The following ESPNL variants were observed in gnomAD, a reference collection of about 807,000 sequenced individuals.
The protein encoded by ESPNL is espin like, also known as espin-like protein.
ESPNL carries 49 observed loss-of-function variants against 46.8 expected under a neutral mutation model. That is an observed-to-expected ratio of 1.05 (90% CI 0.83 to 1.33). The LOEUF (loss-of-function observed/expected upper bound fraction) is 1.33, where lower values mean the gene tolerates loss of function less well. Ranked by LOEUF, ESPNL falls within the 40% of genes most tolerant of loss-of-function variation. ESPNL has a pLI of 0.00. For synonymous variants in ESPNL, 664 were observed against 662.1 expected, an observed-to-expected ratio of 1.00 and a Z score of -0.04; for missense variants, 1,540 against 1,436.6, an observed-to-expected ratio of 1.07 and a Z score of -1.16.
chr2:238,126,462 TTGTG>T (rs565205805), intron 6 of ESPNL, among the ~76,000 whole-genome samples: 51 of 151,352 alleles, frequency 3.4e-4, no homozygotes, highest in Non-Finnish European at 5.6e-4. Context: ...GTCTATGTGA[TTGTG>T]TGTATCTGTG....
chr2:238,111,634 A>T (rs1289552379), intron 4 of ESPNL, among the ~76,000 whole-genome samples: 2 of 152,250 alleles, frequency 1.3e-5, no homozygotes, highest in Non-Finnish European at 2.9e-5. Context: ...TTATAGCTAA[A>T]TAATATTCCA....
intron 4 of ESPNL, among the ~76,000 whole-genome samples, chr2:238,111,224 G>A (rs1174863126): frequency 6.6e-6 from 1 of 152,056 alleles, no homozygotes; most frequent in African/African-American, 2.4e-5. Flanking sequence ...ACCGTGCCCG[G>A]CCTAGTTATC....
In ESPNL at chr2:238,111,446, C is replaced by G. The variant is rs147248490; in HGVS notation, c.855+3473C>G. Among the ~76,000 whole-genome samples the G allele has an allele frequency of 5.4e-3, 825 of 152,252 alleles. 7 individuals carry two copies. Among genetic ancestry groups the G allele is most frequent in the African/African-American group, 0.019 (771 of 41,534 alleles). On this transcript the variant is annotated intron_variant, in intron 4 of 8. Transcript: ENST00000343063. ...CCATCAGACAGCAATTCTCCGTCTC[C>G]CTTATCTCCCAGCCCCTGGCCAGCA...
At chr2:238,110,804 T>G (rs1417171586) in intron 4 of ESPNL, among the ~76,000 whole-genome samples, 2 of 150,604 alleles carry the variant, frequency 1.3e-5, no homozygotes, top group Admixed American at 1.3e-4. Flanking sequence ...TTATCAAGTC[T>G]CCTCAGATGC....
chr2:238,113,283 T>G (rs910504609), intron 4 of ESPNL, among the ~76,000 whole-genome samples: 4 of 152,280 alleles, frequency 2.6e-5, no homozygotes, highest in African/African-American at 9.6e-5. Flanking sequence ...CAGTCATGTT[T>G]AATTTTTTTC....
chr2:238,109,311 G>A (rs1228245309), intron 4 of ESPNL, among the ~76,000 whole-genome samples: 2 of 152,224 alleles, frequency 1.3e-5, no homozygotes, highest in Admixed American at 6.5e-5. Context: ...GACTCCTCTG[G>A]CTCCTCAGCT....
chr2:238,118,769 ATGGAGGAGGGGAGATGGAGGAGGGTG>A, intron 5 of ESPNL, among the ~76,000 whole-genome samples: 1 of 40,690 alleles, frequency 2.5e-5, no homozygotes, highest in East Asian at 1.8e-3. Flanking sequence ...AGGAGGGTGG[ATGGAGGAGGGGAGATGGAGGAGGGTG>A]GATGGAGGAG....
At chr2:238,123,682 C>T (rs768652724) in intron 5 of ESPNL, among the ~76,000 whole-genome samples, 4 of 152,308 alleles carry the variant, frequency 2.6e-5, no homozygotes, top group East Asian at 1.9e-4. Flanking sequence ...CAGCAGCCCC[C>T]GGTGTCCCAG....
chr2:238,112,691 C>T (rs1366702550), intron 4 of ESPNL, among the ~76,000 whole-genome samples: 2 of 152,054 alleles, frequency 1.3e-5, no homozygotes, highest in African/African-American at 4.8e-5. Flanking sequence ...GATAATTGTT[C>T]AGTTAAAAAA....
intron 5 of ESPNL, among the ~76,000 whole-genome samples, chr2:238,124,629 G>T (rs1351815872): frequency 6.6e-6 from 1 of 151,538 alleles, no homozygotes; most frequent in African/African-American, 2.4e-5. Flanking sequence ...ACATGCGTGT[G>T]TGTGCAGGAG....
intron 4 of ESPNL, among the ~76,000 whole-genome samples, chr2:238,115,043 T>TGGTCTTGCGGCGGTTCTGGCTCC (rs1402118832): frequency 6.6e-6 from 1 of 152,180 alleles, no homozygotes; most frequent in South Asian, 2.1e-4. Context: ...GTTCTGGCGC[T>TGGTCTTGCGGCGGTTCTGGCTCC]GGTCTTGCGG....
At chr2:238,103,421 C>T (rs534367831) in intron 2 of ESPNL, among the ~76,000 whole-genome samples, 59 of 139,290 alleles carry the variant, frequency 4.2e-4, no homozygotes, top group African/African-American at 1.8e-3. Context: ...AGAGCAAGAC[C>T]ATGTCTCAAA....
At chr2:238,117,543 G>A (rs911701533) in intron 5 of ESPNL, among the ~76,000 whole-genome samples, 9 of 152,248 alleles carry the variant, frequency 5.9e-5, no homozygotes, top group African/African-American at 2.2e-4. Flanking sequence ...ACCTCCCAGA[G>A]GTGATCGCAA....
chr2:238,102,471 G>A (rs1337688747), intron 2 of ESPNL, among the ~76,000 whole-genome samples: 1 of 152,176 alleles, frequency 6.6e-6, no homozygotes, highest in Non-Finnish European at 1.5e-5. Flanking sequence ...AAACAGCTGG[G>A]GACGTGGGCA....
rs1379266047 is a variant in ESPNL at position 238,128,803 on chromosome 2, A to G, written c.1312A>G (p.Thr438Ala). 1.9e-6 allele frequency: 3 copies of G among 1,561,374 alleles called. No individual in the cohort carries two copies. The highest frequency in any genetic ancestry group is 2.6e-6 in the Non-Finnish European group (3 of 1,153,802). ...PSGDIDGLVP[T>A]RDERGQPIPE... Reference sequence around the variant, plus strand: ...AGGCGACATCGACGGGCTGGTGCCCACGCGGGATGAGCGCGGCCAGCCCAT... The same window carrying G: ...AGGCGACATCGACGGGCTGGTGCCCGCGCGGGATGAGCGCGGCCAGCCCAT... The change falls in exon 8 of 9, where the codon ACG becomes GCG. Residue 438 changes from threonine (T) to alanine (A), a missense_variant. Coordinates refer to ENST00000343063, the MANE Select transcript of ESPNL (RefSeq NM_194312.4).
In ESPNL at chr2:238,118,433, A is replaced by G. The variant is rs1225981620; in HGVS notation, c.987+1399A>G. On this transcript the variant is annotated intron_variant, in intron 5 of 8. Coordinates refer to ENST00000343063, the MANE Select transcript of ESPNL (RefSeq NM_194312.4). ...ACGGAGGAGGGTGGATGGAGGAGGA[A>G]TGGATGGAAGAGGTGGATGGAGGAG... 3.2e-3 allele frequency among the ~76,000 whole-genome samples: 284 copies of G among 89,100 alleles called. 31 individuals are homozygous for G. The highest frequency in any genetic ancestry group is 0.015 in the East Asian group (25 of 1,656). 58.5% of individuals were successfully genotyped at this position (89,100 alleles called of 152,430 possible). A position where few individuals can be genotyped will look rare whatever the true frequency, so the allele number is the denominator to read the frequency against.
intron 2 of ESPNL, among the ~76,000 whole-genome samples, chr2:238,103,940 C>G (rs78386957): frequency 0.012 from 1,834 of 152,262 alleles, 20 homozygotes; most frequent in Middle Eastern, 0.024. Context: ...AGGTGCAAGT[C>G]CCTGGACAAA....
chr2:238,129,043 C>T (rs1692215787), intron 8 of ESPNL, 139 bp downstream of exon 8: 3 of 1,432,446 alleles, frequency 2.1e-6, no homozygotes, highest in Non-Finnish European at 9.1e-7. Context: ...TCAGCTGCTG[C>T]TTCCGCCGGA....
chr2:238,127,295 G>A (rs1692160293), intron 6 of ESPNL: 3 of 1,104,878 alleles, frequency 2.7e-6, no homozygotes, highest in Non-Finnish European at 3.4e-6. Flanking sequence ...AGGCAGCAAG[G>A]GAACCAGCTT....
Sources: gnomAD v4.1 joint callset for allele counts (sites outside exome capture counted in the v4.1 genomes callset) on GRCh38, gnomAD v4.1.1 for gene constraint, MANE v1.5 for transcripts, NCBI Gene and HGNC (gene_info 2026-07-23, HGNC 2026-07-21) for gene names.